CDKAL1: variants seen among roughly 807,000 people sequenced by gnomAD.
CDKAL1 encodes the protein CDKAL1 threonylcarbamoyladenosine tRNA methylthiotransferase, also known as threonylcarbamoyladenosine tRNA methylthiotransferase.
Under a neutral mutation model 68.2 loss-of-function variants are expected in CDKAL1, and 32 were observed. That is an observed-to-expected ratio of 0.47 (90% CI 0.35 to 0.63). The LOEUF (loss-of-function observed/expected upper bound fraction) is 0.63. Among genes scored for constraint, CDKAL1 ranks in the 30% least tolerant of loss-of-function variants. The probability of loss-of-function intolerance (pLI) is 0.00; values close to 1 mark genes in which losing one functional copy is unlikely to be tolerated. For synonymous variants in CDKAL1, 234 were observed against 244.3 expected (o/e 0.96, Z 0.39); for missense variants, 606 against 696.7 (o/e 0.87, Z 1.47).
At chr6:21,176,663 C>T (rs1777582831) in intron 13 of CDKAL1, among the ~76,000 whole-genome samples, 1 of 136,222 alleles carries the variant, frequency 7.3e-6, no homozygotes, top group African/African-American at 2.8e-5. Context: ...CTGAGAATGT[C>T]TTCATGGGCT....
At chr6:20,697,921 T>A (rs1180741935) in intron 5 of CDKAL1, among the ~76,000 whole-genome samples, 3 of 152,222 alleles carry the variant, frequency 2.0e-5, no homozygotes, top group East Asian at 3.8e-4. Context: ...TGCCCCTAGA[T>A]CTGAAGTTTG....
In CDKAL1 at chr6:21,171,673, A is replaced by G. The variant is rs371080471; in HGVS notation, c.1300-26348A>G. ...TTCAGGTTGTCTCCAATATTTTATT[A>G]GTATAAATTACTCCATAATAAATAC... On this transcript the variant is annotated intron_variant, in intron 13 of 15. Coordinates refer to ENST00000274695, the MANE Select transcript of CDKAL1 (RefSeq NM_017774.3). Among the ~76,000 whole-genome samples the G allele has an allele frequency of 1.9e-3, 291 of 152,314 alleles. 8 individuals carry two copies. The South Asian group carries it at 0.043, about 22-fold the overall frequency.
At chr6:21,163,181 A>G (rs1156381152) in intron 13 of CDKAL1, among the ~76,000 whole-genome samples, 1 of 152,178 alleles carries the variant, frequency 6.6e-6, no homozygotes, top group African/African-American at 2.4e-5. Context: ...CACTGCCAGC[A>G]CAACCTTGCC....
chr6:20,763,657 T>G (rs1774567544), intron 7 of CDKAL1, among the ~76,000 whole-genome samples: 1 of 152,186 alleles, frequency 6.6e-6, no homozygotes, highest in African/African-American at 2.4e-5. Context: ...ACAGCCTGTT[T>G]GCATTCTTCT....
intron 6 of CDKAL1, among the ~76,000 whole-genome samples, chr6:20,757,130 A>G (rs1422011073): frequency 2.0e-5 from 3 of 151,858 alleles, no homozygotes; most frequent in Non-Finnish European, 4.4e-5. Context: ...ATAGGGTTTC[A>G]CCATGTTGGC....
At chr6:21,163,970 GA>G (rs1777033898) in intron 13 of CDKAL1, among the ~76,000 whole-genome samples, 1 of 151,746 alleles carries the variant, frequency 6.6e-6, no homozygotes, top group African/African-American at 2.4e-5. Flanking sequence ...AAAAAGAAAA[GA>G]AAAAGAAATA....
Position 20,723,275 on chromosome 6 carries a change from C to CT in CDKAL1, c.372-16244_372-16243insT, listed in dbSNP as rs148657796. Among the ~76,000 whole-genome samples, 1,441 of 152,332 alleles carry CT rather than the reference C, an allele frequency of 9.5e-3. 27 individuals are homozygous for CT. Among genetic ancestry groups the CT allele is most frequent in the African/African-American group, 0.033 (1,378 of 41,578 alleles). On this transcript the variant is annotated intron_variant, in intron 5 of 15. Coordinates refer to ENST00000274695, the MANE Select transcript of CDKAL1 (RefSeq NM_017774.3). Reference sequence around the variant, plus strand: ...AAGGGCCAGCTGAGCTGCTAACACACGCTGTCTGCGGATGGCAGAACTAAA... The same window carrying CT: ...AAGGGCCAGCTGAGCTGCTAACACACTGCTGTCTGCGGATGGCAGAACTAAA...
intron 4 of CDKAL1, among the ~76,000 whole-genome samples, chr6:20,579,501 G>C (rs1765053983): frequency 6.6e-6 from 1 of 152,108 alleles, no homozygotes; most frequent in Middle Eastern, 3.2e-3. Context: ...CTGTTATGGT[G>C]CCAGTTCATT....
intron 13 of CDKAL1, among the ~76,000 whole-genome samples, chr6:21,122,620 T>TTTTATTTA (rs80146010): frequency 5.4e-5 from 8 of 148,942 alleles, no homozygotes; most frequent in Non-Finnish European, 8.9e-5. Context: ...TGTTACTGTA[T>TTTTATTTA]TTTATTTATT....
At chr6:20,930,800 A>G (rs1351713736) in intron 9 of CDKAL1, among the ~76,000 whole-genome samples, 1 of 151,088 alleles carries the variant, frequency 6.6e-6, no homozygotes, top group Non-Finnish European at 1.5e-5. Context: ...GCTGGAGTAC[A>G]GTGACATGAT....
chr6:21,184,014 G>C (rs1040011522), intron 13 of CDKAL1, among the ~76,000 whole-genome samples: 7 of 152,046 alleles, frequency 4.6e-5, no homozygotes, highest in Non-Finnish European at 1.0e-4. Flanking sequence ...GCTCTCCTCT[G>C]TTTGGAATTC....
chr6:20,991,852 T>TAAA (rs550170759), intron 10 of CDKAL1, among the ~76,000 whole-genome samples: 1 of 141,552 alleles, frequency 7.1e-6, no homozygotes, highest in Non-Finnish European at 1.5e-5. Context: ...CCTGTCTCTT[T>TAAA]AAAAAAAAAA....
At chr6:21,112,460 T>C (rs1399648283) in intron 13 of CDKAL1, among the ~76,000 whole-genome samples, 2 of 152,244 alleles carry the variant, frequency 1.3e-5, no homozygotes, top group Non-Finnish European at 2.9e-5. Flanking sequence ...GTAGTCACTA[T>C]TTTTCTGTAT....
intron 7 of CDKAL1, among the ~76,000 whole-genome samples, chr6:20,764,683 C>T (rs556926748): frequency 2.0e-5 from 3 of 152,268 alleles, no homozygotes; most frequent in Admixed American, 6.5e-5. Flanking sequence ...TGCAGACTTA[C>T]TTGAGGATGT....
chr6:20,774,083 C>T (rs1209249066), intron 7 of CDKAL1, among the ~76,000 whole-genome samples: 2 of 152,088 alleles, frequency 1.3e-5, no homozygotes, highest in Admixed American at 1.3e-4. Flanking sequence ...TGGCATGAGT[C>T]CTCTCTGGTG....
In CDKAL1 at chr6:21,163,180, C is replaced by A. The variant is rs150948071; in HGVS notation, c.1300-34841C>A. On this transcript the variant is annotated intron_variant, in intron 13 of 15. Coordinates refer to ENST00000274695, the MANE Select transcript of CDKAL1 (RefSeq NM_017774.3). ...CGTTTTGCCTCCTCCTCACTGCCAG[C>A]ACAACCTTGCCTTGTGCAAAAGTCA... is the stretch of plus-strand genomic sequence containing the variant. Among the ~76,000 whole-genome samples, 519 of 152,318 alleles carry A rather than the reference C, an allele frequency of 3.4e-3. 4 individuals carry two copies. Among genetic ancestry groups the A allele is most frequent in the African/African-American group, 0.012 (498 of 41,564 alleles).
intron 8 of CDKAL1, among the ~76,000 whole-genome samples, chr6:20,814,762 G>GT (rs1358853952): frequency 6.6e-6 from 1 of 152,146 alleles, no homozygotes; most frequent in African/African-American, 2.4e-5. Flanking sequence ...GGCCCCTGTA[G>GT]TTCCTGTACA....
At chr6:20,965,330 G>T (rs564727408) in intron 10 of CDKAL1, among the ~76,000 whole-genome samples, 1 of 149,120 alleles carries the variant, frequency 6.7e-6, no homozygotes, top group Non-Finnish European at 1.5e-5. Flanking sequence ...AGGAGGGGAG[G>T]GGAGGGGAGG....
At chr6:20,603,184 C>T (rs943908778) in intron 4 of CDKAL1, among the ~76,000 whole-genome samples, 1 of 152,120 alleles carries the variant, frequency 6.6e-6, no homozygotes, top group Non-Finnish European at 1.5e-5. Flanking sequence ...CAAATTTGTG[C>T]CCTCTCTGCT....
Sources: allele counts gnomAD v4.1 joint callset (sites outside exome capture counted in the v4.1 genomes callset), GRCh38; gene constraint gnomAD v4.1.1; transcripts MANE v1.5; gene names NCBI Gene and HGNC (gene_info 2026-07-23, HGNC 2026-07-21).